The following RNF157 variants were observed in gnomAD, a reference collection of about 807,000 sequenced individuals.
RNF157 encodes ring finger protein 157.
In RNF157, 55 loss-of-function variants were observed where a neutral mutation model predicts 88.3. The observed-to-expected ratio is 0.62, with a 90% CI of 0.50 to 0.78. The LOEUF (loss-of-function observed/expected upper bound fraction) is 0.78. Among genes scored for constraint, RNF157 ranks in the 30% least tolerant of loss-of-function variants. The pLI is 0.00. For missense variants in RNF157, 788 were observed against 860.8 expected, an observed-to-expected ratio of 0.92 and a Z score of 1.06; for synonymous variants, 334 against 341.2, an observed-to-expected ratio of 0.98 and a Z score of 0.23.
chr17:76,226,953 C>G, intron 1 of RNF157: 1 of 637,276 alleles, frequency 1.6e-6, no homozygotes, highest in African/African-American at 1.8e-5. Flanking sequence ...CTGCTGCCGC[C>G]GCTGCAAAGG....
At chr17:76,187,422 G>A (rs1461177824) in intron 2 of RNF157, among the ~76,000 whole-genome samples, 1 of 151,718 alleles carries the variant, frequency 6.6e-6, no homozygotes, top group South Asian at 2.1e-4. Flanking sequence ...CTGACCTTGT[G>A]ATCCACCCAC....
At chr17:76,228,989 A>G (rs1204667514) in intron 1 of RNF157, among the ~76,000 whole-genome samples, 4 of 151,980 alleles carry the variant, frequency 2.6e-5, no homozygotes, top group African/African-American at 9.7e-5. Flanking sequence ...CCATCGATTC[A>G]TCCTGTCCTT....
chr17:76,190,166 C>CTTTTTTTTT (rs1568050564), intron 2 of RNF157, among the ~76,000 whole-genome samples: 1 of 114,030 alleles, frequency 8.8e-6, no homozygotes. Flanking sequence ...ACTGCTTGCT[C>CTTTTTTTTT]TCTCTTTTTT....
In RNF157 at chr17:76,142,485, A is replaced by T. The variant is rs1023586252; in HGVS notation, c.*2750T>A. On this transcript the variant is annotated 3_prime_UTR_variant, in exon 19 of 19. Transcript: ENST00000269391. ...GCAGTTAGCTCTCCTTCCCTTGTAA[A>T]CAGTTTTATTCATTTTTAAGAATCA... 3.9e-5 allele frequency: 6 copies of T among 152,222 alleles called. No homozygotes were observed. The highest frequency in any genetic ancestry group is 1.4e-4 in the African/African-American group (6 of 41,442). 9.4% of individuals were successfully genotyped at this position (152,222 alleles called of 1,614,324 possible). A position where few individuals can be genotyped will look rare whatever the true frequency, so the allele number is the denominator to read the frequency against.
intron 2 of RNF157, among the ~76,000 whole-genome samples, chr17:76,181,891 G>A (rs60643972): frequency 0.19 from 26,720 of 142,490 alleles, 2,545 homozygotes; most frequent in Middle Eastern, 0.28. Flanking sequence ...CTGGGTGACC[G>A]AGTGAGACTC....
At chr17:76,191,616 A>C (rs1318303490) in intron 2 of RNF157, among the ~76,000 whole-genome samples, 1 of 151,516 alleles carries the variant, frequency 6.6e-6, no homozygotes, top group Non-Finnish European at 1.5e-5. Flanking sequence ...AAAAAAAAAA[A>C]AAAAAACATT....
At chr17:76,203,833 T>A (rs2144991770) in intron 2 of RNF157, among the ~76,000 whole-genome samples, 1 of 149,508 alleles carries the variant, frequency 6.7e-6, no homozygotes, top group African/African-American at 2.5e-5. Context: ...AGTGGCACGA[T>A]CTCGGCTCAC....
At chr17:76,222,221 C>T (rs2069996568) in intron 1 of RNF157, among the ~76,000 whole-genome samples, 1 of 152,100 alleles carries the variant, frequency 6.6e-6, no homozygotes, top group Non-Finnish European at 1.5e-5. Context: ...TGGCACACGC[C>T]TGTGATCCCA....
At chr17:76,177,979 G>A (rs2069131919) in intron 2 of RNF157, among the ~76,000 whole-genome samples, 1 of 152,210 alleles carries the variant, frequency 6.6e-6, no homozygotes, top group African/African-American at 2.4e-5. Context: ...GCTACCCACT[G>A]CGGGTATCCT....
At chr17:76,223,877 T>A (rs910309314) in intron 1 of RNF157, among the ~76,000 whole-genome samples, 13 of 152,220 alleles carry the variant, frequency 8.5e-5, no homozygotes, top group Non-Finnish European at 1.6e-4. Context: ...TTTCAACACA[T>A]ACACAATTCA....
rs2068533898 is a variant in RNF157 at position 76,142,775 on chromosome 17, G to A, written c.*2460C>T. On this transcript the variant is annotated 3_prime_UTR_variant, in exon 19 of 19. Coordinates refer to ENST00000269391, the MANE Select transcript of RNF157 (RefSeq NM_052916.3). ...GTGCCCAGGAGATGCCTCAGCGGGG[G>A]TAGAAACTCTGGTGGGATGGAGCTG... 1 of 152,500 alleles carries A rather than the reference G, an allele frequency of 6.6e-6. No individual in the cohort carries two copies. The allele number at this position is 152,500 out of a possible 1,614,324, so 9.4% of individuals were successfully genotyped here.
At chr17:76,163,966 C>T (rs949522149) in intron 8 of RNF157, 1 of 152,204 alleles carries the variant, frequency 6.6e-6, no homozygotes, top group African/African-American at 2.4e-5. Flanking sequence ...AAAAGAGAGG[C>T]GAGTAATTAA....
intron 2 of RNF157, among the ~76,000 whole-genome samples, chr17:76,177,210 C>T (rs919290808): frequency 3.3e-5 from 5 of 152,040 alleles, no homozygotes; most frequent in South Asian, 2.1e-4. Context: ...GCTGCATGCT[C>T]CACAGAGCCG....
chr17:76,164,531 A>G (rs933229817), intron 8 of RNF157: 1 of 377,910 alleles, frequency 2.6e-6, no homozygotes, highest in African/African-American at 2.1e-5. Context: ...AAAAATCAGC[A>G]TTCCTTTCAG....
rs967217270 is a variant in RNF157 at position 76,144,233 on chromosome 17, T to G, written c.*1002A>C. On this transcript the variant is annotated 3_prime_UTR_variant, in exon 19 of 19. Coordinates refer to ENST00000269391, the MANE Select transcript of RNF157 (RefSeq NM_052916.3). ...CTTGAAATGTCACCTTAGGATGGAG[T>G]TGCAGGCCTCCCTGAATGCACCTGA... 2 of 151,916 alleles carry G rather than the reference T, an allele frequency of 1.3e-5. No homozygotes were observed. The highest frequency in any genetic ancestry group is 2.4e-5 in the African/African-American group (1 of 41,336). 9.4% of individuals were successfully genotyped at this position (151,916 alleles called of 1,614,324 possible).
rs1275164799 is a variant in RNF157, at chr17:76,144,270, G to C, written c.*965C>G. 2 of 151,908 alleles carry C rather than the reference G, an allele frequency of 1.3e-5. No individual in the cohort carries two copies. The highest frequency in any genetic ancestry group is 2.9e-5 in the Non-Finnish European group (2 of 67,994). 9.4% of individuals were successfully genotyped at this position (151,908 alleles called of 1,614,324 possible). ...CTGAATGCACCTGATCAGGAGAAAT[G>C]CTCCTTAAGGGAAATCATCTTAACT... On this transcript the variant is annotated 3_prime_UTR_variant, in exon 19 of 19. Transcript: ENST00000269391.
At chr17:76,213,614 T>G (rs1464886658) in intron 1 of RNF157, among the ~76,000 whole-genome samples, 1 of 150,020 alleles carries the variant, frequency 6.7e-6, no homozygotes, top group Non-Finnish European at 1.5e-5. Context: ...AGTGATGTCT[T>G]TTTTTTTTGT....
At chr17:76,213,512 G>C (rs558090869) in intron 1 of RNF157, among the ~76,000 whole-genome samples, 1 of 143,656 alleles carries the variant, frequency 7.0e-6, no homozygotes, top group Non-Finnish European at 1.5e-5. Context: ...AGAGGTTGCA[G>C]TAAGCCAAGA....
At chr17:76,148,261 C>CTTTTTTTT in intron 18 of RNF157, among the ~76,000 whole-genome samples, 1 of 121,180 alleles carries the variant, frequency 8.3e-6, no homozygotes, top group Non-Finnish European at 1.7e-5. Context: ...TTATCTTTGC[C>CTTTTTTTT]TTTTTTTTTT....
Sources: allele counts gnomAD v4.1 joint callset (sites outside exome capture counted in the v4.1 genomes callset), GRCh38; gene constraint gnomAD v4.1.1; transcripts MANE v1.5; gene names NCBI Gene and HGNC (gene_info 2026-07-23, HGNC 2026-07-21).